The following SCRG1 variants were observed in gnomAD, a reference collection of about 807,000 sequenced individuals.
SCRG1 encodes scrapie-responsive protein 1.
In SCRG1, 3 loss-of-function variants were observed where a neutral mutation model predicts 7.7. That is an observed-to-expected ratio of 0.39 (90% CI 0.18 to 1.01). The LOEUF is 1.01. Among genes scored for constraint, SCRG1 ranks in the 50% least tolerant of loss-of-function variants. The probability of loss-of-function intolerance (pLI) is 0.36; values close to 1 mark genes in which losing one functional copy is unlikely to be tolerated. For synonymous variants in SCRG1, 46 were observed against 41.2 expected, an observed-to-expected ratio of 1.12 and a Z score of -0.44; for missense variants, 110 against 117.2, an observed-to-expected ratio of 0.94 and a Z score of 0.28.
the SCRG1 span, among the ~76,000 whole-genome samples, chr4:173,461,515 G>A: frequency 6.6e-6 from 1 of 152,202 alleles, no homozygotes; most frequent in Non-Finnish European, 1.5e-5. Context: ...CGCTTGGGGT[G>A]CCCCTTAAAG....
chr4:173,508,714 C>T, the SCRG1 span, among the ~76,000 whole-genome samples: 9 of 152,184 alleles, frequency 5.9e-5, no homozygotes, highest in African/African-American at 1.9e-4. The surrounding 1 kb of genome is among the most constrained non-coding windows in gnomAD (Gnocchi z 4.4). Context: ...ACCCAACCTG[C>T]CCCGGCCGAG....
the SCRG1 span, among the ~76,000 whole-genome samples, chr4:173,507,288 C>A: frequency 6.6e-6 from 1 of 152,210 alleles, no homozygotes; most frequent in East Asian, 1.9e-4. This position sits in a 1 kb window ranked among gnomAD's most constrained non-coding sequence, Gnocchi z 4.4. Flanking sequence ...CGGCTCACTG[C>A]AACCTCCGCC....
At chr4:173,515,207 G>A in the SCRG1 span, among the ~76,000 whole-genome samples, 1 of 152,180 alleles carries the variant, frequency 6.6e-6, no homozygotes, top group Admixed American at 6.5e-5. The surrounding 1 kb of genome is among the most constrained non-coding windows in gnomAD (Gnocchi z 4.6). Flanking sequence ...TACGGTGCCA[G>A]GATTTTTCCA....
chr4:173,418,068 G>C, the SCRG1 span, among the ~76,000 whole-genome samples: 1 of 152,062 alleles, frequency 6.6e-6, no homozygotes, highest in Non-Finnish European at 1.5e-5. Context: ...ATAATTTGGT[G>C]GTGGCAATTG....
At chr4:173,481,184 A>G in the SCRG1 span, among the ~76,000 whole-genome samples, 1 of 152,176 alleles carries the variant, frequency 6.6e-6, no homozygotes, top group Non-Finnish European at 1.5e-5. Flanking sequence ...TTTCCCTTTA[A>G]TTATCTTTAT....
chr4:173,483,259 ATAT>A, the SCRG1 span, among the ~76,000 whole-genome samples: 2 of 43,554 alleles, frequency 4.6e-5, no homozygotes, highest in African/African-American at 1.6e-4. Flanking sequence ...CATATATGAT[ATAT>A]CATATATGAT....
At chr4:173,483,216 TAA>T in the SCRG1 span, among the ~76,000 whole-genome samples, 1 of 33,992 alleles carries the variant, frequency 2.9e-5, no homozygotes, top group African/African-American at 7.5e-5. Context: ...ATATATCATA[TAA>T]TATATATATT....
At chr4:173,477,710 CCT>C in the SCRG1 span, among the ~76,000 whole-genome samples, 3 of 3,032 alleles carry the variant, frequency 9.9e-4, no homozygotes, top group African/African-American at 2.7e-3. Flanking sequence ...TTTTTCCCTT[CCT>C]TCCTTCCTTC....
chr4:173,484,338 C>CCTTT, the SCRG1 span, among the ~76,000 whole-genome samples: 1 of 26,688 alleles, frequency 3.7e-5, no homozygotes, highest in African/African-American at 1.2e-4. Flanking sequence ...ATATATTTAA[C>CCTTT]ATATTATATA....
chr4:173,402,418 T>C (rs897042558), upstream of SCRG1, among the ~76,000 whole-genome samples: 2 of 150,586 alleles, frequency 1.3e-5, no homozygotes, highest in African/African-American at 4.9e-5. Context: ...AGTACTGAAA[T>C]TAAATTTGTA....
chr4:173,473,743 G>T, the SCRG1 span, among the ~76,000 whole-genome samples: 1 of 152,188 alleles, frequency 6.6e-6, no homozygotes, highest in Non-Finnish European at 1.5e-5. Flanking sequence ...GGGGGTTGCA[G>T]CCACCACATC....
upstream of SCRG1, among the ~76,000 whole-genome samples, chr4:173,402,649 C>T (rs978905822): frequency 1.3e-5 from 2 of 152,126 alleles, no homozygotes; most frequent in African/African-American, 4.8e-5. Flanking sequence ...GGAGCTCATG[C>T]ATTCACCCTA....
At chr4:173,420,089 G>A in the SCRG1 span, 1 of 588,278 alleles carries the variant, frequency 1.7e-6, no homozygotes, top group Non-Finnish European at 3.2e-6. Flanking sequence ...AATTTCACTT[G>A]GTAACTCTTA....
the SCRG1 span, among the ~76,000 whole-genome samples, chr4:173,499,366 C>T: frequency 6.6e-6 from 1 of 152,154 alleles, no homozygotes; most frequent in South Asian, 2.1e-4. The surrounding 1 kb of genome is among the most constrained non-coding windows in gnomAD (Gnocchi z 4.1). Flanking sequence ...TAGCCACTGT[C>T]CTCTGCCTCT....
chr4:173,488,769 C>T, the SCRG1 span, among the ~76,000 whole-genome samples: 2 of 152,192 alleles, frequency 1.3e-5, no homozygotes, highest in African/African-American at 2.4e-5. Context: ...TTCCACTTTC[C>T]AAAGAAAGCA....
chr4:173,488,118 TAAA>T, the SCRG1 span, among the ~76,000 whole-genome samples: 1 of 150,938 alleles, frequency 6.6e-6, no homozygotes, highest in Non-Finnish European at 1.5e-5. Context: ...AATAAATAAA[TAAA>T]TAAATAAATA....
At chr4:173,487,583 A>C in the SCRG1 span, among the ~76,000 whole-genome samples, 1 of 152,164 alleles carries the variant, frequency 6.6e-6, no homozygotes, top group African/African-American at 2.4e-5. Context: ...TGAGAAAATA[A>C]AATATTATTT....
chr4:173,414,515 C>T, the SCRG1 span, among the ~76,000 whole-genome samples: 1 of 152,162 alleles, frequency 6.6e-6, no homozygotes, highest in Non-Finnish European at 1.5e-5. Context: ...TACAGGGGAT[C>T]CTTAAGCAAG....
At chr4:173,451,569 T>C in the SCRG1 span, among the ~76,000 whole-genome samples, 5 of 152,046 alleles carry the variant, frequency 3.3e-5, no homozygotes, top group South Asian at 1.0e-3. Flanking sequence ...CCTACTAAAA[T>C]AGTAAAGAGT....
Sources: allele counts gnomAD v4.1 joint callset (sites outside exome capture counted in the v4.1 genomes callset), GRCh38; gene constraint gnomAD v4.1.1; non-coding constraint Gnocchi (gnomAD v3.1); transcripts MANE v1.5; gene names NCBI Gene and HGNC (gene_info 2026-07-23, HGNC 2026-07-21).